The following UBE2V2 variants were observed in gnomAD, a reference collection of about 807,000 sequenced individuals.
UBE2V2 encodes ubiquitin conjugating enzyme E2 V2.
A neutral mutation model predicts 17.2 loss-of-function variants in UBE2V2; 9 were observed. The observed-to-expected ratio is 0.52, with a 90% CI of 0.32 to 0.91. UBE2V2 has a LOEUF of 0.91. Among genes scored for constraint, UBE2V2 ranks in the 40% least tolerant of loss-of-function variants. The probability of loss-of-function intolerance (pLI) is 0.04; values close to 1 mark genes in which losing one functional copy is unlikely to be tolerated. For missense variants in UBE2V2, 133 were observed against 182.6 expected, an observed-to-expected ratio of 0.73 and a Z score of 1.56; for synonymous variants, 61 against 57.5, an observed-to-expected ratio of 1.06 and a Z score of -0.28.
chr8:48,026,064 A>T (rs574776342), intron 1 of UBE2V2, among the ~76,000 whole-genome samples: 3 of 150,056 alleles, frequency 2.0e-5, no homozygotes, highest in Non-Finnish European at 4.4e-5. Context: ...TCCTAAAGTG[A>T]CCCTTTAGAA....
chr8:48,020,387 TC>T (rs766738698), intron 1 of UBE2V2, among the ~76,000 whole-genome samples: 1 of 152,166 alleles, frequency 6.6e-6, no homozygotes, highest in Non-Finnish European at 1.5e-5. Flanking sequence ...TCTACATGTG[TC>T]CGTACAGGTG....
chr8:48,064,211 G>A lies in UBE2V2; in HGVS notation c.*3383G>A, dbSNP rs1433372272. 1 of 152,168 alleles carries A rather than the reference G, an allele frequency of 6.6e-6. No homozygotes were observed. Among genetic ancestry groups the A allele is most frequent in the Non-Finnish European group, 1.5e-5 (1 of 68,034 alleles). The allele number at this position is 152,168 out of a possible 1,614,324, so 9.4% of individuals were successfully genotyped here. On this transcript the variant is annotated 3_prime_UTR_variant, in exon 4 of 4. Coordinates refer to ENST00000523111, the MANE Select transcript of UBE2V2 (RefSeq NM_003350.3). ...GTATGCTTTTTAGGCATCTGTATGTGTAATATCATAGTATCATTTATTGCT... is the reference window on the plus strand; with the variant it reads ...GTATGCTTTTTAGGCATCTGTATGTATAATATCATAGTATCATTTATTGCT...
intron 1 of UBE2V2, among the ~76,000 whole-genome samples, chr8:48,036,240 C>A (rs2091424270): frequency 6.6e-6 from 1 of 151,472 alleles, no homozygotes. Flanking sequence ...CAGGTGTGAG[C>A]CACCACACCT....
chr8:48,028,242 A>G (rs1258690010), intron 1 of UBE2V2, among the ~76,000 whole-genome samples: 3 of 151,854 alleles, frequency 2.0e-5, no homozygotes, highest in Non-Finnish European at 4.4e-5. Flanking sequence ...ATCTCAGCTC[A>G]CTGCAACCTC....
intron 1 of UBE2V2, among the ~76,000 whole-genome samples, chr8:48,012,415 T>C (rs1249651565): frequency 1.3e-5 from 2 of 152,134 alleles, no homozygotes; most frequent in African/African-American, 2.4e-5. Flanking sequence ...TAACAATTAG[T>C]TTAGATAGAA....
rs148818807 is a variant in UBE2V2, at chr8:48,064,413, A to T, written c.*3585A>T. 4 of 152,308 alleles carry T rather than the reference A, an allele frequency of 2.6e-5. No individual in the cohort carries two copies. In the East Asian group the frequency reaches 7.7e-4, roughly 29 times the overall value. 9.4% of individuals were successfully genotyped at this position (152,308 alleles called of 1,614,324 possible). A position where few individuals can be genotyped will look rare whatever the true frequency, so the allele number is the denominator to read the frequency against. On this transcript the variant is annotated 3_prime_UTR_variant, in exon 4 of 4. Transcript: ENST00000523111. ...ATAAAAGTGTCATAAAAAGGAATGG[A>T]TGAATTGTTGATAGGAACATTAGCA... is the stretch of plus-strand genomic sequence containing the variant.
At chr8:48,010,022 T>C (rs1257421244) in intron 1 of UBE2V2, among the ~76,000 whole-genome samples, 1 of 152,214 alleles carries the variant, frequency 6.6e-6, no homozygotes, top group Admixed American at 6.6e-5. Flanking sequence ...CATTTTAATT[T>C]AATACTTTTC....
chr8:48,026,893 C>T (rs546297632), intron 1 of UBE2V2, among the ~76,000 whole-genome samples: 28 of 152,232 alleles, frequency 1.8e-4, no homozygotes, highest in Non-Finnish European at 2.9e-4. Flanking sequence ...GTTCCACCCC[C>T]GCCCCGCTTG....
chr8:48,036,438 A>T (rs1156294152), intron 1 of UBE2V2, among the ~76,000 whole-genome samples: 2 of 151,222 alleles, frequency 1.3e-5, no homozygotes, highest in African/African-American at 2.4e-5. Context: ...GACTCAAAAA[A>T]ATATATATTT....
rs964733359 is a variant in UBE2V2 at position 48,062,848 on chromosome 8, CATACAT to C, written c.*2022_*2027del. 789 of 152,220 alleles carry C rather than the reference CATACAT, an allele frequency of 5.2e-3. 12 individuals carry two copies. Among genetic ancestry groups the C allele is most frequent in the African/African-American group, 0.018 (763 of 41,546 alleles). The allele number at this position is 152,220 out of a possible 1,614,324, so 9.4% of individuals were successfully genotyped here. On this transcript the variant is annotated 3_prime_UTR_variant, in exon 4 of 4. Transcript: ENST00000523111. ...TAAGATGACACATAGAGAACATACACATACATACAAATTAGTGCATTTGTAATTTGT... is the reference window on the plus strand; with the variant it reads ...TAAGATGACACATAGAGAACATACACACAAATTAGTGCATTTGTAATTTGT...
At chr8:48,048,685 C>G (rs1172188716) in intron 2 of UBE2V2, among the ~76,000 whole-genome samples, 1 of 151,390 alleles carries the variant, frequency 6.6e-6, no homozygotes, top group Non-Finnish European at 1.5e-5. Flanking sequence ...AACATTGTTG[C>G]ATAGGTTTTA....
intron 1 of UBE2V2, among the ~76,000 whole-genome samples, chr8:48,014,864 C>T (rs985830957): frequency 3.3e-5 from 5 of 149,384 alleles, no homozygotes; most frequent in Non-Finnish European, 5.9e-5. Flanking sequence ...TCCTGGCTAA[C>T]ATGGTGAAAC....
chr8:48,052,676 C>T (rs1484860775), intron 3 of UBE2V2, among the ~76,000 whole-genome samples: 1 of 152,192 alleles, frequency 6.6e-6, no homozygotes, highest in Non-Finnish European at 1.5e-5. Flanking sequence ...AGTTAGCAGC[C>T]AGAGGGATCC....
At chr8:48,046,756 C>A (rs1052010774) in intron 2 of UBE2V2, among the ~76,000 whole-genome samples, 3 of 151,984 alleles carry the variant, frequency 2.0e-5, no homozygotes, top group African/African-American at 4.8e-5. Context: ...ACCACCATAC[C>A]TGGCTAATTT....
At chr8:48,052,557 T>C (rs1191929534) in intron 3 of UBE2V2, among the ~76,000 whole-genome samples, 1 of 152,220 alleles carries the variant, frequency 6.6e-6, no homozygotes, top group Non-Finnish European at 1.5e-5. Context: ...TTAGGTCTTA[T>C]TTTTCTATTT....
intron 1 of UBE2V2, among the ~76,000 whole-genome samples, chr8:48,026,794 C>T (rs77482543): frequency 4.8e-4 from 73 of 152,200 alleles, no homozygotes; most frequent in African/African-American, 1.7e-3. Context: ...TTGGATACAC[C>T]ACATTTTTGT....
At chr8:48,055,380 T>C (rs1172929433) in intron 3 of UBE2V2, among the ~76,000 whole-genome samples, 1 of 151,882 alleles carries the variant, frequency 6.6e-6, no homozygotes, top group Non-Finnish European at 1.5e-5. Flanking sequence ...TTTGTATTTT[T>C]AGTAGAGACG....
Position 48,064,006 on chromosome 8 carries a change from G to T in UBE2V2, c.*3178G>T, listed in dbSNP as rs1802630025. On this transcript the variant is annotated 3_prime_UTR_variant, in exon 4 of 4. Coordinates refer to ENST00000523111, the MANE Select transcript of UBE2V2 (RefSeq NM_003350.3). ...AGGTTTGGTGTGTGTGGCTTTGAAT[G>T]GTTCTGCTGATGCATCATGGAAAGA... is the stretch of plus-strand genomic sequence containing the variant. The T allele has an allele frequency of 6.6e-6, 1 of 152,196 alleles. No homozygotes were observed. The highest frequency in any genetic ancestry group is 1.5e-5 in the Non-Finnish European group (1 of 68,038). 9.4% of individuals were successfully genotyped at this position (152,196 alleles called of 1,614,324 possible). A position where few individuals can be genotyped will look rare whatever the true frequency, so the allele number is the denominator to read the frequency against.
intron 2 of UBE2V2, among the ~76,000 whole-genome samples, chr8:48,049,057 A>G (rs553794575): frequency 6.6e-6 from 1 of 152,294 alleles, no homozygotes; most frequent in Non-Finnish European, 1.5e-5. Context: ...AGCAGAAAGA[A>G]GAGTTAATTT....
Sources: allele counts gnomAD v4.1 joint callset (sites outside exome capture counted in the v4.1 genomes callset), GRCh38; gene constraint gnomAD v4.1.1; transcripts MANE v1.5; gene names NCBI Gene and HGNC (gene_info 2026-07-23, HGNC 2026-07-21).